Variants in AQP12B observed in about 807,000 individuals in gnomAD.
The protein encoded by AQP12B is putative aquaporin-12B.
AQP12B carries 8 observed loss-of-function variants against 11.5 expected under a neutral mutation model. The ratio of observed to expected loss-of-function variants is 0.70; its 90% confidence interval spans 0.41 to 1.26. AQP12B has a LOEUF of 1.26. Among genes scored for constraint, AQP12B ranks in the 50% most tolerant of loss-of-function variants. AQP12B has a pLI of 0.01. For synonymous variants in AQP12B, 123 were observed against 158.0 expected (o/e 0.78, Z 1.66); for missense variants, 247 against 322.0 (o/e 0.77, Z 1.78).
At position 240,682,727 on chromosome 2, in the gene AQP12B, G is replaced by T. The variant is rs369678598; in HGVS notation, c.111C>A (p.Phe37Leu). The T allele has an allele frequency of 1.2e-6, 2 of 1,613,368 alleles. No individual in the cohort carries two copies. The highest frequency in any genetic ancestry group is 1.3e-5 in the African/African-American group (1 of 74,894). The change falls in exon 1 of 3, where the codon TTC (phenylalanine) becomes TTA (leucine). Residue 37 changes from phenylalanine to leucine, a missense_variant. Around this residue, in one of 4 missense-constraint regions of AQP12B, gnomAD observed 206 missense variants for 173.2 expected, o/e 1.19. Transcript: ENST00000407834. The stretch of plus-strand genomic sequence containing the variant: ...GCACCGCGCCCACCGCCTCCCGGGC[G>T]AAGACTTCATAGGCGCCCACTGGGA... ...ALLPVGAYEVFAREAVGAVQL... is the reference protein window; with the variant it reads ...ALLPVGAYEVLAREAVGAVQL...
Position 240,682,544 on chromosome 2 carries a change from C to A in AQP12B, c.294G>T (p.Leu98=), listed in dbSNP as rs748303387. 1.7e-5 allele frequency: 27 copies of A among 1,613,094 alleles called. No individual in the cohort carries two copies. The highest frequency in any genetic ancestry group is 2.2e-5 in the Non-Finnish European group (26 of 1,179,824). Residue 98 remains leucine, a synonymous_variant, in exon 1 of 3, where the codon CTG becomes CTT. Transcript: ENST00000407834. ...ACTCCTCGGCCATGAGGAACTCCTG[C>A]AGGGACACGGTGGGGTTGGCCGAGG... ...DGASANPTVS[L]QEFLMAEESL...
At position 240,682,484 on chromosome 2, in the gene AQP12B, CT is replaced by C; in HGVS notation, c.353del (p.Gln118ArgfsTer11). 3 of 1,611,660 alleles carry C rather than the reference CT, an allele frequency of 1.9e-6. No homozygotes were observed. The East Asian group carries it at 6.7e-5, about 36-fold the overall frequency. On this transcript the variant is annotated frameshift_variant, in exon 1 of 3. Coordinates refer to ENST00000407834, the MANE Select transcript of AQP12B (RefSeq NM_001102467.2). LOFTEE classifies it high-confidence loss of function. ...LPGTLLKLAA[Q>X]GLGMQAACTL... ...TGCAGGCGGCCTGCATGCCCAGCCC[CT>C]GTGCCGCCAGCTTCAGCAGCGTGCC...
At chr2:240,683,153 T>C (rs1341514966), upstream of AQP12B, among the ~76,000 whole-genome samples, 1 of 150,642 alleles carries the variant, frequency 6.6e-6, no homozygotes, top group African/African-American at 2.4e-5. Context: ...CGAGCTCCGC[T>C]CCTCCTACCT....
chr2:240,682,930 T>A, upstream of AQP12B: 1 of 1,522,612 alleles, frequency 6.6e-7, no homozygotes. Context: ...GGCCCAGGCG[T>A]GTGGGAGAGG....
chr2:240,682,445 G>A lies in AQP12B; in HGVS notation c.393C>T (p.Leu131=), dbSNP rs1296329214. The change falls in exon 1 of 3, where the codon CTC becomes CTT. Residue 131 remains leucine (L), a synonymous_variant. Transcript: ENST00000407834. The part of the protein sequence containing the change: ...GMQAACTLTR[L]CWAWELSDLH... ...GGTCACTGAGCTCCCAGGCCCAGCA[G>A]AGGCGCGTCAGGGTGCAGGCGGCCT... is the stretch of plus-strand genomic sequence containing the variant. 6.2e-7 allele frequency: 1 copy of A among 1,607,748 alleles called. No homozygotes were observed. Among genetic ancestry groups the A allele is most frequent in the Non-Finnish European group, 8.5e-7 (1 of 1,177,884 alleles).
upstream of AQP12B, chr2:240,683,007 T>C: frequency 2.3e-6 from 2 of 861,694 alleles, no homozygotes; most frequent in South Asian, 1.7e-5. Flanking sequence ...GCCACCCAGG[T>C]GCACAGCCAG....
upstream of AQP12B, chr2:240,682,922 C>T (rs2043963527): frequency 1.3e-6 from 2 of 1,546,972 alleles, no homozygotes; most frequent in African/African-American, 1.4e-5. Flanking sequence ...ACCCAGAGGG[C>T]CCAGGCGTGT....
At chr2:240,683,507 T>A (rs149362118), upstream of AQP12B, among the ~76,000 whole-genome samples, 4,913 of 148,358 alleles carry the variant, frequency 0.033, 133 homozygotes, top group South Asian at 0.1. Flanking sequence ...TGCTCCCTGC[T>A]CCTGGCTGTG....
At position 240,682,271 on chromosome 2, in the gene AQP12B, C is replaced by A; in HGVS notation, c.567G>T (p.Gly189=). The A allele has an allele frequency of 2.8e-6, 4 of 1,433,858 alleles. No homozygotes were observed. The highest frequency in any genetic ancestry group is 1.2e-5 in the South Asian group (1 of 80,788). 88.8% of individuals were successfully genotyped at this position (1,433,858 alleles called of 1,614,324 possible). A position where few individuals can be genotyped will look rare whatever the true frequency, so the allele number is the denominator to read the frequency against. The change falls in exon 1 of 3, where the codon GGG becomes GGT. Residue 189 remains glycine (G), a synonymous_variant. Coordinates refer to ENST00000407834, the MANE Select transcript of AQP12B (RefSeq NM_001102467.2). ...HLRHSPPAYS[G]PAVALLVTVT... ...CGGTGACCAACAGAGCCACAGCGGGCCCGCTGTAGGCGGGAGGACTGTGCC... is the reference window on the plus strand; with the variant it reads ...CGGTGACCAACAGAGCCACAGCGGGACCGCTGTAGGCGGGAGGACTGTGCC...
In AQP12B at chr2:240,682,375, G is replaced by GCT. The variant is rs1271884180; in HGVS notation, c.462_463insAG (p.Leu155SerfsTer22). The GCT allele has an allele frequency of 6.5e-7, 1 of 1,536,370 alleles. No individual in the cohort carries two copies. Among genetic ancestry groups the GCT allele is most frequent in the Non-Finnish European group, 8.8e-7 (1 of 1,142,350 alleles). On this transcript the variant is annotated frameshift_variant, in exon 1 of 3. Transcript: ENST00000407834. LOFTEE classifies it high-confidence loss of function. ...GCCCCGTGGGGCACGGATGTGCGCA[G>GCT]GGCCGAGCTGCAGCTCTGGGCCATG...
upstream of AQP12B, among the ~76,000 whole-genome samples, chr2:240,683,143 C>G (rs532674264): frequency 2.6e-5 from 4 of 151,004 alleles, no homozygotes; most frequent in Non-Finnish European, 4.4e-5. Flanking sequence ...AGCCTCCATC[C>G]GAGCTCCGCT....
upstream of AQP12B, chr2:240,683,006 G>A: frequency 3.5e-6 from 3 of 865,024 alleles, no homozygotes; most frequent in South Asian, 3.5e-5. Flanking sequence ...TGCCACCCAG[G>A]TGCACAGCCA....
chr2:240,682,696 C>A lies in AQP12B; in HGVS notation c.142G>T (p.Gly48Trp). 4 of 1,613,492 alleles carry A rather than the reference C, an allele frequency of 2.5e-6. No individual in the cohort carries two copies. Among genetic ancestry groups the A allele is most frequent in the Non-Finnish European group, 3.4e-6 (4 of 1,179,794 alleles). ...GTCCTCATCTCCAGGAAGCAGGCCCCGAGCTGCACCGCGCCCACCGCCTCC... is the reference window on the plus strand; with the variant it reads ...GTCCTCATCTCCAGGAAGCAGGCCCAGAGCTGCACCGCGCCCACCGCCTCC... ...AREAVGAVQL[G>W]ACFLEMRTLV... The change falls in exon 1 of 3, where the codon GGG becomes TGG. Residue 48 changes from glycine to tryptophan, a missense_variant. Around this residue, in one of 4 missense-constraint regions of AQP12B, gnomAD observed 206 missense variants for 173.2 expected, o/e 1.19. Transcript: ENST00000407834.
At position 240,682,715 on chromosome 2, in the gene AQP12B, C is replaced by G. The variant is rs369177771; in HGVS notation, c.123G>C (p.Ala41=). ...AGGCCCCGAGCTGCACCGCGCCCAC[C>G]GCCTCCCGGGCGAAGACTTCATAGG... The part of the protein sequence containing the change: ...VGAYEVFARE[A]VGAVQLGACF... The change falls in exon 1 of 3, where the codon GCG becomes GCC. Residue 41 remains alanine (A), a synonymous_variant. Transcript: ENST00000407834. The G allele has an allele frequency of 1.2e-6, 2 of 1,613,384 alleles. No individual in the cohort carries two copies. Among genetic ancestry groups the G allele is most frequent in the Non-Finnish European group, 8.5e-7 (1 of 1,179,790 alleles).
In AQP12B at chr2:240,682,481, C is replaced by A. The variant is rs377692596; in HGVS notation, c.357G>T (p.Gly119=). ...PGTLLKLAAQ[G]LGMQAACTLT... ...GGGTGCAGGCGGCCTGCATGCCCAG[C>A]CCCTGTGCCGCCAGCTTCAGCAGCG... is the stretch of plus-strand genomic sequence containing the variant. Residue 119 remains glycine, a synonymous_variant, in exon 1 of 3, where the codon GGG becomes GGT. Coordinates refer to ENST00000407834, the MANE Select transcript of AQP12B (RefSeq NM_001102467.2). The A allele has an allele frequency of 1.9e-6, 3 of 1,611,506 alleles. No individual in the cohort carries two copies. The highest frequency in any genetic ancestry group is 2.5e-6 in the Non-Finnish European group (3 of 1,179,582).
Position 240,682,452 on chromosome 2 carries a change from G to C in AQP12B, c.386C>G (p.Thr129Arg), listed in dbSNP as rs74882485. ...GAGCTCCCAGGCCCAGCAGAGGCGC[G>C]TCAGGGTGCAGGCGGCCTGCATGCC... ...GLGMQAACTL[T>R]RLCWAWELSD... is the part of the protein sequence containing the mutation. Residue 129 changes from threonine to arginine, a missense_variant, in exon 1 of 3, where the codon ACG becomes AGG. By Grantham distance (71) the Thr-to-Arg change is moderately conservative. Around this residue, in one of 4 missense-constraint regions of AQP12B, gnomAD observed 206 missense variants for 173.2 expected, o/e 1.19. Transcript: ENST00000407834. 32 of 1,599,062 alleles carry C rather than the reference G, an allele frequency of 2.0e-5. No individual in the cohort carries two copies. Among genetic ancestry groups the C allele is most frequent in the Non-Finnish European group, 2.5e-5 (29 of 1,171,370 alleles).
chr2:240,682,465 C>T lies in AQP12B; in HGVS notation c.373G>A (p.Ala125Thr), dbSNP rs1374452728. 18 of 1,610,332 alleles carry T rather than the reference C, an allele frequency of 1.1e-5. No homozygotes were observed. Among genetic ancestry groups the T allele is most frequent in the East Asian group, 8.9e-5 (4 of 44,864 alleles). Residue 125 changes from alanine (A) to threonine (T), a missense_variant, in exon 1 of 3, where the codon GCC (alanine) becomes ACC (threonine). Coordinates refer to ENST00000407834, the MANE Select transcript of AQP12B (RefSeq NM_001102467.2). Reference sequence around the variant, plus strand: ...CAGCAGAGGCGCGTCAGGGTGCAGGCGGCCTGCATGCCCAGCCCCTGTGCC... The same window carrying T: ...CAGCAGAGGCGCGTCAGGGTGCAGGTGGCCTGCATGCCCAGCCCCTGTGCC... ...LAAQGLGMQAACTLTRLCWAW... is the reference protein window; with the variant it reads ...LAAQGLGMQATCTLTRLCWAW...
In AQP12B at chr2:240,682,553, G is replaced by T. The variant is rs370087461; in HGVS notation, c.285C>A (p.Thr95=). 6.2e-7 allele frequency: 1 copy of T among 1,612,592 alleles called. No individual in the cohort carries two copies. Among genetic ancestry groups the T allele is most frequent in the Non-Finnish European group, 8.5e-7 (1 of 1,179,672 alleles). The change falls in exon 1 of 3, where the codon ACC becomes ACA. Residue 95 remains threonine, a synonymous_variant. Transcript: ENST00000407834. ...VTLDGASANP[T]VSLQEFLMAE... ...CCATGAGGAACTCCTGCAGGGACAC[G>T]GTGGGGTTGGCCGAGGCCCCGTCCA...
chr2:240,682,658 G>A lies in AQP12B; in HGVS notation c.180C>T (p.Leu60=), dbSNP rs763516852. 3.4e-5 allele frequency: 55 copies of A among 1,613,362 alleles called. No individual in the cohort carries two copies. Among genetic ancestry groups the A allele is most frequent in the Non-Finnish European group, 4.4e-5 (52 of 1,179,850 alleles). Residue 60 remains leucine (L), a synonymous_variant, in exon 1 of 3, where the codon CTC becomes CTT. Coordinates refer to ENST00000407834, the MANE Select transcript of AQP12B (RefSeq NM_001102467.2). The part of the protein sequence containing the change: ...CFLEMRTLVE[L]GPWAGDFGPD... ...GCCCAAAGTCCCCAGCCCAGGGCCCGAGCTCGACCAGCGTCCTCATCTCCA... is the reference window on the plus strand; with the variant it reads ...GCCCAAAGTCCCCAGCCCAGGGCCCAAGCTCGACCAGCGTCCTCATCTCCA...
Sources: gnomAD v4.1 joint callset for allele counts (sites outside exome capture counted in the v4.1 genomes callset) on GRCh38, gnomAD v4.1.1 for gene constraint, gnomAD v4.1.1 regional missense constraint, MANE v1.5 for transcripts, NCBI Gene and HGNC (gene_info 2026-07-23, HGNC 2026-07-21) for gene names.